CEP104: variants seen among roughly 807,000 people sequenced by gnomAD.
CEP104 encodes the protein centrosomal protein of 104 kDa.
Under a neutral mutation model 113.3 loss-of-function variants are expected in CEP104, and 84 were observed. The ratio of observed to expected loss-of-function variants is 0.74; its 90% confidence interval spans 0.62 to 0.89. The LOEUF (loss-of-function observed/expected upper bound fraction) is 0.89. Among genes scored for constraint, CEP104 ranks in the 40% least tolerant of loss-of-function variants. The probability of loss-of-function intolerance (pLI) is 0.00; values close to 1 mark genes in which losing one functional copy is unlikely to be tolerated. For synonymous variants in CEP104, 378 were observed against 421.7 expected (o/e 0.90, Z 1.27); for missense variants, 1,053 against 1,156.6 (o/e 0.91, Z 1.30).
At chr1:3,856,470 T>C (rs4648425) in intron 1 of CEP104, among the ~76,000 whole-genome samples, 49,714 of 151,930 alleles carry the variant, frequency 0.33, 9,054 homozygotes, top group African/African-American at 0.5. Flanking sequence ...CAAAACAAAC[T>C]CCAAAACAAA....
chr1:3,839,174 T>C, intron 7 of CEP104, 55 bp from the exon 8 acceptor site: 1 of 1,493,698 alleles, frequency 6.7e-7, no homozygotes, highest in Non-Finnish European at 9.3e-7. Flanking sequence ...TCACATCAAA[T>C]GCAAAGCTAA....
chr1:3,847,832 TTTGTTG>T (rs879805634), intron 3 of CEP104: 2 of 530,782 alleles, frequency 3.8e-6, no homozygotes, highest in Admixed American at 3.6e-5. Context: ...GTATTCTTCT[TTTGTTG>T]TTGTTGTTGT....
intron 15 of CEP104, 54 bp from the exon 16 acceptor site, chr1:3,826,798 G>A: frequency 6.6e-7 from 1 of 1,518,544 alleles, no homozygotes. Context: ...GTGAGTGAGT[G>A]AGAGCCTGTT....
chr1:3,839,376 G>A (rs1644373085), intron 7 of CEP104, among the ~76,000 whole-genome samples: 1 of 152,084 alleles, frequency 6.6e-6, no homozygotes, highest in Admixed American at 6.6e-5. Context: ...TCCTAGTAAC[G>A]AGGTAGCTGA....
intron 2 of CEP104, among the ~76,000 whole-genome samples, chr1:3,849,163 G>GT (rs1644564905): frequency 6.6e-6 from 1 of 151,986 alleles, no homozygotes; most frequent in South Asian, 2.1e-4. Context: ...GGGCCCCAAG[G>GT]TATCAATATT....
intron 2 of CEP104, among the ~76,000 whole-genome samples, chr1:3,851,391 A>C (rs999847930): frequency 6.6e-6 from 1 of 152,198 alleles, no homozygotes; most frequent in African/African-American, 2.4e-5. Flanking sequence ...AGACAGAATT[A>C]TATCACTGAA....
intron 10 of CEP104, 137 bp from the exon 11 acceptor site, chr1:3,835,229 T>C (rs769267066): frequency 1.7e-6 from 1 of 577,386 alleles, no homozygotes. Context: ...AATGATTCAT[T>C]TCTAATAATA....
At chr1:3,820,802 G>A (rs769359780) in intron 20 of CEP104, among the ~76,000 whole-genome samples, 13 of 152,246 alleles carry the variant, frequency 8.5e-5, no homozygotes, top group Middle Eastern at 3.4e-3. Flanking sequence ...TCCTGCTGGC[G>A]GTGCAGGTGC....
chr1:3,831,859 T>A (rs911892856), intron 12 of CEP104, among the ~76,000 whole-genome samples: 1 of 152,218 alleles, frequency 6.6e-6, no homozygotes, highest in Admixed American at 6.5e-5. Context: ...TAATCTCTTA[T>A]CGTGCTGGCC....
intron 20 of CEP104, among the ~76,000 whole-genome samples, chr1:3,821,818 C>A (rs1304913018): frequency 1.3e-5 from 2 of 152,222 alleles, no homozygotes; most frequent in African/African-American, 4.8e-5. Context: ...GCAAACAGCT[C>A]CTTCCTTCAC....
intron 6 of CEP104, among the ~76,000 whole-genome samples, chr1:3,843,985 C>T (rs1644461873): frequency 6.6e-6 from 1 of 151,936 alleles, no homozygotes; most frequent in African/African-American, 2.4e-5. Context: ...TGGTCTTGAA[C>T]TCCTGACCTC....
chr1:3,830,495 C>T (rs1237093524), intron 13 of CEP104, among the ~76,000 whole-genome samples: 6 of 152,074 alleles, frequency 3.9e-5, no homozygotes, highest in Non-Finnish European at 5.9e-5. Context: ...AAAGACAGGC[C>T]GGGCGCAGTG....
At chr1:3,848,092 A>C (rs1404165825) in intron 3 of CEP104, among the ~76,000 whole-genome samples, 1 of 152,156 alleles carries the variant, frequency 6.6e-6, no homozygotes, top group African/African-American at 2.4e-5. Flanking sequence ...ACATCTGAAA[A>C]GTAGAGTTGA....
At chr1:3,837,602 C>T in intron 8 of CEP104, 83 bp from the exon 9 acceptor site, 1 of 1,198,344 alleles carries the variant, frequency 8.3e-7, no homozygotes, top group Non-Finnish European at 1.2e-6. Context: ...ATGAATAAGA[C>T]TTTAGAAAGC....
intron 11 of CEP104, 81 bp from the exon 12 acceptor site, chr1:3,834,116 CACATACGA>C: frequency 9.1e-7 from 1 of 1,099,208 alleles, no homozygotes; most frequent in East Asian, 2.4e-5. Flanking sequence ...CTATCAGTAA[CACATACGA>C]ACATTATATC....
intron 2 of CEP104, among the ~76,000 whole-genome samples, 175 bp from the exon 3 acceptor site, chr1:3,848,956 T>C (rs973426431): frequency 1.3e-5 from 2 of 152,196 alleles, no homozygotes; most frequent in Admixed American, 1.3e-4. Context: ...TCTCTCGAGC[T>C]TTTCTTGTTG....
At chr1:3,839,906 G>A (rs1363417338) in intron 6 of CEP104, 130 bp from the exon 7 acceptor site, 1 of 731,704 alleles carries the variant, frequency 1.4e-6, no homozygotes, top group Admixed American at 2.8e-5. Flanking sequence ...TCCTGCATGA[G>A]AAAACGGGTC....
chr1:3,847,747 A>T lies in CEP104; in HGVS notation c.288-134T>A, dbSNP rs1468847744. 25 of 859,122 alleles carry T rather than the reference A, an allele frequency of 2.9e-5. No homozygotes were observed. The South Asian group carries it at 4.2e-4, about 14-fold the overall frequency. 53.2% of individuals were successfully genotyped at this position (859,122 alleles called of 1,614,324 possible). ...TAAAGCTAGACTACCCCTATGCAGG[A>T]TCAACAGGTTTGAATAAAAGCTAAG... On this transcript the variant is annotated intron_variant, in intron 3 of 21. Coordinates refer to ENST00000378230, the MANE Select transcript of CEP104 (RefSeq NM_014704.4).
chr1:3,837,098 C>T (rs1401009251), intron 9 of CEP104, 194 bp downstream of exon 9: 7 of 575,080 alleles, frequency 1.2e-5, no homozygotes, highest in Non-Finnish European at 2.2e-5. Context: ...TAAACATGCT[C>T]ACAAGGTGTC....
Sources: gnomAD v4.1 joint callset for allele counts (sites outside exome capture counted in the v4.1 genomes callset) on GRCh38, gnomAD v4.1.1 for gene constraint, MANE v1.5 for transcripts, NCBI Gene and HGNC (gene_info 2026-07-23, HGNC 2026-07-21) for gene names.